Variants in XKR4 observed in about 807,000 individuals in gnomAD.
XKR4 encodes the protein XK related 4.
In XKR4, 12 loss-of-function variants were observed where a neutral mutation model predicts 53.9. That is an observed-to-expected ratio of 0.22 (90% CI 0.14 to 0.36). The LOEUF is 0.36. Ranked by LOEUF, XKR4 falls within the 10% of genes least tolerant of loss-of-function variation. The probability of loss-of-function intolerance (pLI) is 1.00; values close to 1 mark genes in which losing one functional copy is unlikely to be tolerated. For missense variants in XKR4, 799 were observed against 859.5 expected, an observed-to-expected ratio of 0.93 and a Z score of 0.88; for synonymous variants, 354 against 362.4, an observed-to-expected ratio of 0.98 and a Z score of 0.26.
At chr8:55,235,658 C>T (rs568695653) in intron 1 of XKR4, among the ~76,000 whole-genome samples, 1 of 152,088 alleles carries the variant, frequency 6.6e-6, no homozygotes, top group African/African-American at 2.4e-5. Flanking sequence ...TCTCCTTGAC[C>T]TACAAACTAT....
At chr8:55,107,298 A>G (rs1757052607) in intron 1 of XKR4, among the ~76,000 whole-genome samples, 1 of 152,186 alleles carries the variant, frequency 6.6e-6, no homozygotes. Context: ...TAGTGTAGTT[A>G]GGATTAAAAA....
intron 2 of XKR4, among the ~76,000 whole-genome samples, chr8:55,403,581 G>A (rs952502412): frequency 2.0e-5 from 3 of 152,224 alleles, no homozygotes; most frequent in African/African-American, 7.2e-5. Context: ...AAAGGTTGCA[G>A]TTCCATTTTT....
intron 1 of XKR4, among the ~76,000 whole-genome samples, chr8:55,110,656 A>T (rs950370527): frequency 1.3e-5 from 2 of 152,192 alleles, no homozygotes; most frequent in African/African-American, 4.8e-5. Flanking sequence ...TCTGAGAAAA[A>T]TGCAGCTGGA....
chr8:55,111,887 A>G (rs1816237607), intron 1 of XKR4, among the ~76,000 whole-genome samples: 1 of 152,198 alleles, frequency 6.6e-6, no homozygotes, highest in Admixed American at 6.5e-5. Flanking sequence ...CACTGATTTA[A>G]TATTCTGAAA....
intron 1 of XKR4, among the ~76,000 whole-genome samples, chr8:55,337,764 A>G (rs554734327): frequency 6.6e-6 from 1 of 152,238 alleles, no homozygotes; most frequent in African/African-American, 2.4e-5. Context: ...CCTAGAATAA[A>G]GGCTTTTTAA....
intron 1 of XKR4, among the ~76,000 whole-genome samples, chr8:55,262,267 G>C (rs887677571): frequency 6.6e-6 from 1 of 152,128 alleles, no homozygotes; most frequent in Admixed American, 6.5e-5. Flanking sequence ...ATTAATCCAC[G>C]TAACAAACGT....
intron 2 of XKR4, among the ~76,000 whole-genome samples, chr8:55,509,500 A>G (rs1806591334): frequency 6.6e-6 from 1 of 152,252 alleles, no homozygotes; most frequent in Non-Finnish European, 1.5e-5. Flanking sequence ...TTTAAAAAAT[A>G]CAGTAATTAT....
chr8:55,345,550 A>G (rs1354579048), intron 1 of XKR4, among the ~76,000 whole-genome samples: 1 of 152,224 alleles, frequency 6.6e-6, no homozygotes, highest in Non-Finnish European at 1.5e-5. Flanking sequence ...CTAAAGCCTC[A>G]TTAGTCTGAG....
At chr8:55,452,391 G>A (rs1805464593) in intron 2 of XKR4, 1 of 630,196 alleles carries the variant, frequency 1.6e-6, no homozygotes, top group Non-Finnish European at 2.9e-6. Context: ...CCGGTACGTA[G>A]TGAGGAAGAG....
At chr8:55,517,618 T>C (rs1269614303) in intron 2 of XKR4, 1 of 152,162 alleles carries the variant, frequency 6.6e-6, no homozygotes, top group Non-Finnish European at 1.5e-5. Flanking sequence ...GGGAAGAGAA[T>C]GCGGCTTTAC....
At chr8:55,245,954 T>C (rs1197640301) in intron 1 of XKR4, among the ~76,000 whole-genome samples, 1 of 152,066 alleles carries the variant, frequency 6.6e-6, no homozygotes, top group African/African-American at 2.4e-5. Context: ...TAAATAAAAT[T>C]AGCTGGGCGT....
At chr8:55,498,640 G>A (rs1467508540) in intron 2 of XKR4, among the ~76,000 whole-genome samples, 1 of 152,160 alleles carries the variant, frequency 6.6e-6, no homozygotes, top group African/African-American at 2.4e-5. Context: ...GGGGCCAGTA[G>A]CGTGTACCTG....
chr8:55,311,862 A>G (rs1819394972), intron 1 of XKR4, among the ~76,000 whole-genome samples: 1 of 150,992 alleles, frequency 6.6e-6, no homozygotes. Context: ...GAAAAGAAAA[A>G]GAAAAGAAAA....
chr8:55,317,160 G>A (rs935660621), intron 1 of XKR4, among the ~76,000 whole-genome samples: 4 of 152,252 alleles, frequency 2.6e-5, no homozygotes, highest in African/African-American at 9.6e-5. Flanking sequence ...GTAATCATTA[G>A]CTTGCTTATT....
intron 2 of XKR4, among the ~76,000 whole-genome samples, chr8:55,410,686 C>G (rs1804763856): frequency 6.6e-6 from 1 of 152,050 alleles, no homozygotes; most frequent in Non-Finnish European, 1.5e-5. Context: ...GATGGGCCTC[C>G]CTGCCCCAAT....
At chr8:55,159,673 C>T (rs145870095) in intron 1 of XKR4, among the ~76,000 whole-genome samples, 4 of 152,200 alleles carry the variant, frequency 2.6e-5, no homozygotes, top group East Asian at 1.9e-4. Flanking sequence ...AAACAATTTT[C>T]GTGCCAACCT....
chr8:55,273,008 C>T, intron 1 of XKR4: 1 of 407,224 alleles, frequency 2.5e-6, no homozygotes, highest in South Asian at 1.8e-5. Flanking sequence ...CTCAGCCTGT[C>T]TCTAAGGGTG....
chr8:55,454,771 G>A (rs1585582897), intron 2 of XKR4: 5 of 778,976 alleles, frequency 6.4e-6, no homozygotes, highest in South Asian at 2.8e-5. Flanking sequence ...AGGTACCAGC[G>A]TCTTTGGGGC....
chr8:55,147,968 G>A (rs1389548816), intron 1 of XKR4, among the ~76,000 whole-genome samples: 3 of 152,136 alleles, frequency 2.0e-5, no homozygotes, highest in Non-Finnish European at 2.9e-5. Context: ...ACTCTCAGTG[G>A]GGACAGGGGC....
Sources: allele counts gnomAD v4.1 joint callset (sites outside exome capture counted in the v4.1 genomes callset), GRCh38; gene constraint gnomAD v4.1.1; transcripts MANE v1.5; gene names NCBI Gene and HGNC (gene_info 2026-07-23, HGNC 2026-07-21).